Variants in L3MBTL3 observed in about 807,000 individuals in gnomAD.
L3MBTL3 encodes the protein L3MBTL histone methyl-lysine binding protein 3, also known as lethal(3)malignant brain tumor-like protein 3.
Under a neutral mutation model 102.3 loss-of-function variants are expected in L3MBTL3, and 27 were observed. That is an observed-to-expected ratio of 0.26 (90% CI 0.19 to 0.36). The LOEUF is 0.36. Ranked by LOEUF, L3MBTL3 falls within the 10% of genes least tolerant of loss-of-function variation. L3MBTL3 has a pLI of 1.00. For missense variants in L3MBTL3, 798 were observed against 955.3 expected (o/e 0.84, Z 2.17); for synonymous variants, 340 against 320.9 (o/e 1.06, Z -0.64).
chr6:130,019,040 T>C (rs1364019504), intron 1 of L3MBTL3, among the ~76,000 whole-genome samples: 1 of 150,094 alleles, frequency 6.7e-6, no homozygotes, highest in Non-Finnish European at 1.5e-5. Flanking sequence ...TTTTTTTCTT[T>C]GCGCGCACAC....
chr6:130,086,338 C>T, intron 16 of L3MBTL3, 88 bp downstream of exon 16: 1 of 809,850 alleles, frequency 1.2e-6, no homozygotes. Flanking sequence ...CTTGTGAAGT[C>T]CTGTAATTAG....
At chr6:130,111,538 G>A (rs1381007341) in intron 19 of L3MBTL3, among the ~76,000 whole-genome samples, 7 of 152,222 alleles carry the variant, frequency 4.6e-5, no homozygotes, top group Non-Finnish European at 1.0e-4. Context: ...ATGCCAGGCA[G>A]TCCCCAGAAT....
chr6:130,082,381 GC>G (rs2115109847), intron 14 of L3MBTL3, among the ~76,000 whole-genome samples: 1 of 152,164 alleles, frequency 6.6e-6, no homozygotes, highest in Non-Finnish European at 1.5e-5. Context: ...ATATTTTCCT[GC>G]AAAGAATAGC....
intron 19 of L3MBTL3, among the ~76,000 whole-genome samples, chr6:130,110,187 C>T (rs911544736): frequency 3.9e-5 from 6 of 152,068 alleles, no homozygotes; most frequent in African/African-American, 1.4e-4. Context: ...ATGGACTCTT[C>T]TTTGGTTCCA....
chr6:130,125,077 C>T (rs1263830825), intron 20 of L3MBTL3, among the ~76,000 whole-genome samples: 3 of 152,158 alleles, frequency 2.0e-5, no homozygotes, highest in Admixed American at 6.5e-5. Flanking sequence ...CTGGAGGCTC[C>T]GTGCTGTAAC....
chr6:130,078,252 A>G (rs901332035), intron 13 of L3MBTL3, among the ~76,000 whole-genome samples: 1 of 152,218 alleles, frequency 6.6e-6, no homozygotes, highest in Non-Finnish European at 1.5e-5. Context: ...TAATGAATCT[A>G]AATTATAAAT....
intron 14 of L3MBTL3, among the ~76,000 whole-genome samples, chr6:130,080,557 T>C (rs533464933): frequency 6.6e-6 from 1 of 152,312 alleles, no homozygotes; most frequent in South Asian, 2.1e-4. Context: ...TTCCTGGTTA[T>C]GTACCCTGGA....
At position 130,052,964 on chromosome 6, in the gene L3MBTL3, G is replaced by A; in HGVS notation, c.555G>A (p.Glu185=). The part of the protein sequence containing the change: ...PKLSLKADTK[E]DGEERDDEME... ...TATCTCTGAAAGCTGACACCAAGGA[G>A]GATGGAGAAGAGAGAGATGATGAAA... Residue 185 remains glutamate, a synonymous_variant, in exon 7 of 23, where the codon GAG becomes GAA. Transcript: ENST00000361794. 1.9e-6 allele frequency: 3 copies of A among 1,613,612 alleles called. No homozygotes were observed. The highest frequency in any genetic ancestry group is 2.5e-6 in the Non-Finnish European group (3 of 1,179,540).
intron 1 of L3MBTL3, 101 bp from the exon 2 acceptor site, chr6:130,022,126 A>G (rs1257612672): frequency 1.3e-5 from 2 of 152,196 alleles, no homozygotes; most frequent in Non-Finnish European, 2.9e-5. Context: ...TGCCTAAGTG[A>G]TTCAGAATGT....
At position 130,136,217 on chromosome 6, in the gene L3MBTL3, C is replaced by G. The variant is rs372140448; in HGVS notation, c.2199+2312C>G. On this transcript the variant is annotated intron_variant, in intron 22 of 22. Coordinates refer to ENST00000361794, the MANE Select transcript of L3MBTL3 (RefSeq NM_032438.4). ...TATTCCCAGCACAGCCAAGGTTACC[C>G]TGCTGAAACATAAGTCAAACCATGT... is the stretch of plus-strand genomic sequence containing the variant. 1.5e-3 allele frequency among the ~76,000 whole-genome samples: 236 copies of G among 152,316 alleles called. 1 individual carries two copies. Among genetic ancestry groups the G allele is most frequent in the African/African-American group, 5.5e-3 (227 of 41,578 alleles).
At chr6:130,062,258 A>G (rs1267160516) in intron 10 of L3MBTL3, among the ~76,000 whole-genome samples, 1 of 152,050 alleles carries the variant, frequency 6.6e-6, no homozygotes, top group Admixed American at 6.5e-5. Flanking sequence ...TTCCTCCCAT[A>G]TTCCATATCC....
intron 19 of L3MBTL3, among the ~76,000 whole-genome samples, chr6:130,108,220 G>GTTTTTTTTTTTTTTTTT: frequency 8.4e-6 from 1 of 118,704 alleles, no homozygotes; most frequent in Non-Finnish European, 1.8e-5. Context: ...ATGTTAGGTG[G>GTTTTTTTTTTTTTTTTT]TTTTTTTTTT....
intron 2 of L3MBTL3, among the ~76,000 whole-genome samples, chr6:130,042,388 G>A (rs1223912456): frequency 6.6e-6 from 1 of 152,054 alleles, no homozygotes; most frequent in Non-Finnish European, 1.5e-5. Context: ...ATGACTTTTT[G>A]TTTTAAGTGA....
At chr6:130,036,661 A>T (rs1270572218) in intron 2 of L3MBTL3, among the ~76,000 whole-genome samples, 1 of 152,198 alleles carries the variant, frequency 6.6e-6, no homozygotes, top group Non-Finnish European at 1.5e-5. Context: ...GTTTTTAGGT[A>T]GGAAAAGACT....
In L3MBTL3 at chr6:130,065,464, AT is replaced by A. The variant is rs545549081; in HGVS notation, c.865-885del. Among the ~76,000 whole-genome samples, 11 of 152,242 alleles carry A rather than the reference AT, an allele frequency of 7.2e-5. No homozygotes were observed. The East Asian group carries it at 2.1e-3, about 29-fold the overall frequency. ...CTGTGTTATGTGTTCTACCACTTGA[AT>A]TTTAACTATATGTTTTAGAGAACTT... On this transcript the variant is annotated intron_variant, in intron 10 of 22. Transcript: ENST00000361794.
chr6:130,092,609 G>C (rs1300505078), intron 16 of L3MBTL3, 136 bp from the exon 17 acceptor site: 1 of 562,906 alleles, frequency 1.8e-6, no homozygotes, highest in African/African-American at 1.9e-5. Context: ...GAAGTATTTT[G>C]AATAATTGAA....
chr6:130,071,531 G>A (rs1007600538), intron 13 of L3MBTL3, among the ~76,000 whole-genome samples: 2 of 151,864 alleles, frequency 1.3e-5, no homozygotes, highest in Non-Finnish European at 2.9e-5. Context: ...AGTTGTAAAA[G>A]CAACATATTT....
At chr6:130,060,232 C>G in intron 10 of L3MBTL3, 92 bp downstream of exon 10, 1 of 705,334 alleles carries the variant, frequency 1.4e-6, no homozygotes, top group Non-Finnish European at 2.4e-6. Flanking sequence ...TATTTCATGC[C>G]AGGCATGGTG....
intron 2 of L3MBTL3, among the ~76,000 whole-genome samples, chr6:130,033,610 C>T (rs117200156): frequency 2.2e-4 from 33 of 152,320 alleles, no homozygotes; most frequent in Admixed American, 9.2e-4. Flanking sequence ...AGTTCCTTGA[C>T]ACCAGGCGCT....
Sources: allele counts gnomAD v4.1 joint callset (sites outside exome capture counted in the v4.1 genomes callset), GRCh38; gene constraint gnomAD v4.1.1; transcripts MANE v1.5; gene names NCBI Gene and HGNC (gene_info 2026-07-23, HGNC 2026-07-21).